The following GRIN2A variants were observed in gnomAD, a reference collection of about 807,000 sequenced individuals.
The protein encoded by GRIN2A is glutamate receptor ionotropic, NMDA 2A.
Under a neutral mutation model 113.4 loss-of-function variants are expected in GRIN2A, and 22 were observed. The observed-to-expected ratio is 0.19, with a 90% confidence interval of 0.14 to 0.28. The LOEUF is 0.28. GRIN2A is among the 10% of genes least tolerant of loss of function. The pLI is 1.00. For synonymous variants in GRIN2A, 827 were observed against 738.4 expected, an observed-to-expected ratio of 1.12 and a Z score of -1.94; for missense variants, 1,502 against 1,887.0, an observed-to-expected ratio of 0.80 and a Z score of 3.78.
At chr16:10,077,620 G>A (rs1035950580) in intron 2 of GRIN2A, among the ~76,000 whole-genome samples, 2 of 152,164 alleles carry the variant, frequency 1.3e-5, no homozygotes, top group African/African-American at 4.8e-5. Flanking sequence ...GGTGTTTCAG[G>A]CAAGACCTTG....
chr16:10,022,799 C>T (rs1460473992), intron 2 of GRIN2A, among the ~76,000 whole-genome samples: 1 of 152,122 alleles, frequency 6.6e-6, no homozygotes, highest in African/African-American at 2.4e-5. Context: ...TAATAAGACC[C>T]CGTTTCTTTT....
intron 2 of GRIN2A, among the ~76,000 whole-genome samples, chr16:10,089,892 G>C (rs748888945): frequency 4.6e-5 from 7 of 152,024 alleles, no homozygotes; most frequent in South Asian, 4.2e-4. Flanking sequence ...AAATAAAACC[G>C]ATGAGGGGGA....
intron 5 of GRIN2A, among the ~76,000 whole-genome samples, chr16:9,848,566 A>G (rs913129805): frequency 6.0e-5 from 9 of 150,118 alleles, no homozygotes; most frequent in Non-Finnish European, 8.9e-5. Context: ...TTTAATGTAT[A>G]AAATATGATG....
Position 10,180,810 on chromosome 16 carries a change from G to C in GRIN2A, c.-18-381C>G, listed in dbSNP as rs1047480013. 1.5e-5 allele frequency: 5 copies of C among 329,922 alleles called. No individual in the cohort carries two copies. The highest frequency in any genetic ancestry group is 2.3e-5 in the Non-Finnish European group (4 of 174,564). 20.4% of individuals were successfully genotyped at this position (329,922 alleles called of 1,614,324 possible). A position where few individuals can be genotyped will look rare whatever the true frequency, so the allele number is the denominator to read the frequency against. On this transcript the variant is annotated intron_variant, in intron 1 of 12. Coordinates refer to ENST00000330684, the MANE Select transcript of GRIN2A (RefSeq NM_001134407.3). This position sits in a 1 kb window ranked among gnomAD's most constrained non-coding sequence, Gnocchi z 7.0. ...ACCCCACCAAGCTCCTAGGTGCACA[G>C]AATAAACCCTCCATCCAACCCCTCC...
chr16:10,111,440 T>C, intron 2 of GRIN2A: 1 of 573,030 alleles, frequency 1.7e-6, no homozygotes, highest in Non-Finnish European at 3.2e-6. Context: ...TGGCTCACCG[T>C]GCAGCAGCTC....
intron 2 of GRIN2A, among the ~76,000 whole-genome samples, chr16:9,993,492 G>A (rs73506616): frequency 2.6e-5 from 4 of 152,264 alleles, no homozygotes; most frequent in African/African-American, 7.2e-5. Flanking sequence ...GGAACTCAAG[G>A]CTGCAGTAAG....
intron 2 of GRIN2A, among the ~76,000 whole-genome samples, chr16:10,022,234 C>G (rs953643560): frequency 6.6e-6 from 1 of 152,176 alleles, no homozygotes; most frequent in Middle Eastern, 3.2e-3. Context: ...GAATGCAAGC[C>G]TTGATTTCCA....
chr16:10,043,722 T>C (rs558986379), intron 2 of GRIN2A, among the ~76,000 whole-genome samples: 1 of 151,972 alleles, frequency 6.6e-6, no homozygotes, highest in Non-Finnish European at 1.5e-5. Context: ...CATCTTAACC[T>C]GCCCCCATCA....
In GRIN2A at chr16:9,763,527, T is replaced by A. The variant is rs751221611; in HGVS notation, c.4017A>T (p.Lys1339Asn). 1 of 1,614,094 alleles carries A rather than the reference T, an allele frequency of 6.2e-7. No homozygotes were observed. Among genetic ancestry groups the A allele is most frequent in the South Asian group, 1.1e-5 (1 of 91,056 alleles). ...GACCTTGGGGGAAAAGGGAGCTTTT[T>A]TTCCCCGAGAGTTTGCTTGAGGGGA... is the stretch of plus-strand genomic sequence containing the variant. ...FSVPSSKLSG[K>N]KSSLFPQGLE... The change falls in exon 13 of 13, where the codon AAA becomes AAT. Residue 1339 changes from lysine (K) to asparagine (N), a missense_variant. Transcript: ENST00000330684.
At chr16:9,800,164 AG>A (rs1182111819) in intron 10 of GRIN2A, among the ~76,000 whole-genome samples, 1 of 152,058 alleles carries the variant, frequency 6.6e-6, no homozygotes, top group Non-Finnish European at 1.5e-5. Context: ...TAGTAGAGAC[AG>A]GGTTTCACCA....
chr16:9,847,044 C>A (rs1297326348), intron 5 of GRIN2A, among the ~76,000 whole-genome samples: 1 of 152,172 alleles, frequency 6.6e-6, no homozygotes, highest in Admixed American at 6.5e-5. Context: ...GCAGTGCCTG[C>A]TGGCTGTTGC....
At chr16:9,952,836 G>A (rs59775432) in intron 2 of GRIN2A, among the ~76,000 whole-genome samples, 2 of 152,002 alleles carry the variant, frequency 1.3e-5, no homozygotes, top group Admixed American at 1.3e-4. Flanking sequence ...CAACAAGAAA[G>A]TGAGAGAAAA....
chr16:9,997,072 C>G (rs1460367518), intron 2 of GRIN2A, among the ~76,000 whole-genome samples: 3 of 152,110 alleles, frequency 2.0e-5, no homozygotes, highest in Admixed American at 6.5e-5. Context: ...CCTGACAACA[C>G]AGAAGAAAAA....
chr16:9,978,290 G>T (rs934137423), intron 2 of GRIN2A, among the ~76,000 whole-genome samples: 1 of 152,126 alleles, frequency 6.6e-6, no homozygotes, highest in Non-Finnish European at 1.5e-5. Context: ...TGCAGTTACA[G>T]GGACCTGGCT....
chr16:10,170,654 T>C (rs1057080003), intron 2 of GRIN2A, among the ~76,000 whole-genome samples: 6 of 152,204 alleles, frequency 3.9e-5, no homozygotes, highest in Admixed American at 2.0e-4. Context: ...GGGAAGAGGA[T>C]TGCTTGAGTC....
chr16:10,148,246 C>T (rs1442700082), intron 2 of GRIN2A, among the ~76,000 whole-genome samples: 2 of 152,210 alleles, frequency 1.3e-5, no homozygotes, highest in East Asian at 1.9e-4. Context: ...ATCTAGAGCT[C>T]CTTTTGTGCT....
intron 2 of GRIN2A, among the ~76,000 whole-genome samples, chr16:9,978,055 A>G (rs75689358): frequency 0.012 from 1,835 of 152,296 alleles, 23 homozygotes; most frequent in East Asian, 0.082. Context: ...TTTTGGACAC[A>G]TTCTTCACCT....
chr16:9,843,510 T>A (rs959430326), intron 5 of GRIN2A, among the ~76,000 whole-genome samples: 1 of 152,148 alleles, frequency 6.6e-6, no homozygotes, highest in Non-Finnish European at 1.5e-5. Context: ...AACATAATTT[T>A]GAGTAACAGA....
At chr16:9,794,311 A>T (rs116151372) in intron 11 of GRIN2A, among the ~76,000 whole-genome samples, 2 of 152,178 alleles carry the variant, frequency 1.3e-5, no homozygotes, top group South Asian at 4.1e-4. Context: ...AAAATTTTTT[A>T]TACTTTTGAC....
Sources: gnomAD v4.1 joint callset for allele counts (sites outside exome capture counted in the v4.1 genomes callset) on GRCh38, gnomAD v4.1.1 for gene constraint, Gnocchi (gnomAD v3.1) non-coding constraint, MANE v1.5 for transcripts, NCBI Gene and HGNC (gene_info 2026-07-23, HGNC 2026-07-21) for gene names.